Variants in SHROOM3 observed in about 807,000 individuals in gnomAD.
SHROOM3 encodes the protein shroom family member 3, also known as protein Shroom3.
SHROOM3 carries 47 observed loss-of-function variants against 138.6 expected under a neutral mutation model. That is an observed-to-expected ratio of 0.34 (90% CI 0.27 to 0.43). SHROOM3 has a LOEUF of 0.43. Ranked by LOEUF, SHROOM3 falls within the 20% of genes least tolerant of loss-of-function variation. The probability of loss-of-function intolerance (pLI) is 1.00; values close to 1 mark genes in which losing one functional copy is unlikely to be tolerated. For missense variants in SHROOM3, 2,491 were observed against 2,596.5 expected, an observed-to-expected ratio of 0.96 and a Z score of 0.88; for synonymous variants, 1,062 against 1,063.3, an observed-to-expected ratio of 1.00 and a Z score of 0.02.
At chr4:76,441,988 C>T (rs975640714) in intron 1 of SHROOM3, among the ~76,000 whole-genome samples, 2 of 152,128 alleles carry the variant, frequency 1.3e-5, no homozygotes, top group Non-Finnish European at 2.9e-5. Context: ...TCCCAAAATT[C>T]CGAGATTACA....
At chr4:76,494,700 G>T (rs1560523901) in intron 1 of SHROOM3, among the ~76,000 whole-genome samples, 1 of 152,194 alleles carries the variant, frequency 6.6e-6, no homozygotes. Context: ...ACAAAACCTG[G>T]TATTTTAGTT....
Position 76,741,702 on chromosome 4 carries a change from G to T in SHROOM3, c.3529G>T (p.Gly1177Cys). Residue 1177 changes from glycine (G) to cysteine (C), a missense_variant, in exon 5 of 11, where the codon GGC becomes TGC. Physicochemically the swap from Gly to Cys is radical, Grantham distance 159. Transcript: ENST00000296043. The surrounding 1 kb of genome is among the most constrained non-coding windows in gnomAD (Gnocchi z 6.2). ...AGATCGCAGCAGCTCCTTCGCCGGTGGCCGCCGCCTCGGGGAACGGCGACG... is the reference window on the plus strand; with the variant it reads ...AGATCGCAGCAGCTCCTTCGCCGGTTGCCGCCGCCTCGGGGAACGGCGACG... ...PRDRSSSFAG[G>C]RRLGERRRGD... The T allele has an allele frequency of 1.3e-6, 2 of 1,552,606 alleles. No individual in the cohort carries two copies. Among genetic ancestry groups the T allele is most frequent in the African/African-American group, 2.7e-5 (2 of 73,532 alleles).
At chr4:76,556,999 A>C (rs1483464020) in intron 2 of SHROOM3, among the ~76,000 whole-genome samples, 2 of 152,156 alleles carry the variant, frequency 1.3e-5, no homozygotes, top group Non-Finnish European at 2.9e-5. Flanking sequence ...AGAGTGGCTC[A>C]AAGCATAGGC....
chr4:76,663,719 C>T (rs1445708809), intron 2 of SHROOM3, among the ~76,000 whole-genome samples: 3 of 152,072 alleles, frequency 2.0e-5, no homozygotes, highest in African/African-American at 7.2e-5. Context: ...GATTAATTTC[C>T]AATATTTAAA....
chr4:76,631,460 G>A (rs548265978), intron 2 of SHROOM3, among the ~76,000 whole-genome samples: 4 of 151,950 alleles, frequency 2.6e-5, no homozygotes, highest in Non-Finnish European at 2.9e-5. Context: ...TGATCCACCC[G>A]CCTCAGCCTC....
At chr4:76,620,070 C>CAAAA (rs68039696) in intron 2 of SHROOM3, among the ~76,000 whole-genome samples, 34 of 60,970 alleles carry the variant, frequency 5.6e-4, no homozygotes, top group Middle Eastern at 9.8e-3. Context: ...GAATCTATCT[C>CAAAA]AAAAAAAAAA....
At chr4:76,607,896 C>A (rs546494378) in intron 2 of SHROOM3, among the ~76,000 whole-genome samples, 1 of 152,146 alleles carries the variant, frequency 6.6e-6, no homozygotes, top group African/African-American at 2.4e-5. Flanking sequence ...TAACATTAAC[C>A]TTTATGAAGG....
At position 76,754,939 on chromosome 4, in the gene SHROOM3, T is replaced by C; in HGVS notation, c.4456T>C (p.Ser1486Pro). The change falls in exon 7 of 11, where the codon TCC (serine) becomes CCC (proline). Residue 1486 changes from serine (S) to proline (P), a missense_variant. Transcript: ENST00000296043. ...GGCCCCGAGCACTCCAGGGAGGATC[T>C]CCCTCCGAATATCTGAGTCTGTCCT... is the stretch of plus-strand genomic sequence containing the variant. The part of the protein sequence containing the change: ...LGAPSTPGRI[S>P]LRISESVLRD... 2 of 1,614,126 alleles carry C rather than the reference T, an allele frequency of 1.2e-6. No homozygotes were observed. The highest frequency in any genetic ancestry group is 2.2e-5 in the South Asian group (2 of 91,080).
intron 1 of SHROOM3, among the ~76,000 whole-genome samples, chr4:76,529,375 G>C (rs1732782080): frequency 1.3e-5 from 2 of 151,656 alleles, no homozygotes; most frequent in African/African-American, 4.8e-5. Context: ...GGAGTGCAGT[G>C]GTGCCATCTC....
intron 3 of SHROOM3, among the ~76,000 whole-genome samples, chr4:76,722,039 T>C (rs1011238945): frequency 1.3e-5 from 2 of 152,104 alleles, no homozygotes; most frequent in African/African-American, 4.8e-5. Flanking sequence ...GAGGCTGTGA[T>C]GGGAGGATTG....
In SHROOM3 at chr4:76,741,480, G is replaced by T; in HGVS notation, c.3307G>T (p.Gly1103Cys). The change falls in exon 5 of 11, where the codon GGC (glycine) becomes TGC (cysteine). Residue 1103 changes from glycine to cysteine, a missense_variant. By Grantham distance (159) the Gly-to-Cys change is radical. This residue lies in a region of SHROOM3 where 1,733 missense variants were observed against 1,661.6 expected (regional missense o/e 1.04). Coordinates refer to ENST00000296043, the MANE Select transcript of SHROOM3 (RefSeq NM_020859.4). This position sits in a 1 kb window ranked among gnomAD's most constrained non-coding sequence, Gnocchi z 6.2. ...CGGCAAGCGGCCTACCTCCGCCGCC[G>T]GCTGCAGCCTCCAGGAGCCCGGGCC... ...KTGKRPTSAA[G>C]CSLQEPGPLR... The T allele has an allele frequency of 6.4e-7, 1 of 1,560,146 alleles. No individual in the cohort carries two copies. The highest frequency in any genetic ancestry group is 1.2e-5 in the South Asian group (1 of 85,468).
intron 2 of SHROOM3, among the ~76,000 whole-genome samples, chr4:76,665,714 GCT>G (rs1309427451): frequency 1.3e-5 from 2 of 152,206 alleles, no homozygotes; most frequent in South Asian, 4.1e-4. Context: ...TTTTCCATGA[GCT>G]ACCTGTTGTG....
rs61741132 is a variant in SHROOM3 at position 76,755,153 on chromosome 4, C to T, written c.4670C>T (p.Ala1557Val). The change falls in exon 7 of 11, where the codon GCG (alanine) becomes GTG (valine). Residue 1557 changes from alanine to valine, a missense_variant. Ala to Val is a moderately conservative substitution (Grantham distance 64). This residue lies in a region of SHROOM3 where 470 missense variants were observed against 595.0 expected (regional missense o/e 0.79). Coordinates refer to ENST00000296043, the MANE Select transcript of SHROOM3 (RefSeq NM_020859.4). ...PPPPPHTVCE[A>V]QLDSEDPEGP... ...CCTCCTCCCCACACTGTATGTGAGG[C>T]GCAGCTGGACAGTGAGGATCCCGAG... is the stretch of plus-strand genomic sequence containing the variant. 2.6e-3 allele frequency: 4,236 copies of T among 1,613,028 alleles called. 98 individuals carry two copies. The African/African-American group carries it at 0.05, about 19-fold the overall frequency.
intron 2 of SHROOM3, among the ~76,000 whole-genome samples, chr4:76,625,826 T>C (rs1735124806): frequency 6.6e-6 from 1 of 152,248 alleles, no homozygotes. Context: ...TAAACTTCTC[T>C]CTTCCTTTTT....
chr4:76,651,414 A>ATATATG (rs1423553006), intron 2 of SHROOM3, among the ~76,000 whole-genome samples: 4 of 49,250 alleles, frequency 8.1e-5, no homozygotes, highest in African/African-American at 3.1e-4. Flanking sequence ...ATATATATAT[A>ATATATG]TATATATATA....
intron 1 of SHROOM3, among the ~76,000 whole-genome samples, chr4:76,473,344 A>G (rs1186633104): frequency 6.6e-6 from 1 of 152,232 alleles, no homozygotes; most frequent in Non-Finnish European, 1.5e-5. Flanking sequence ...GTGGTGGCTC[A>G]TGCCTTTAAT....
At chr4:76,647,687 G>A (rs1390336820) in intron 2 of SHROOM3, among the ~76,000 whole-genome samples, 4 of 152,126 alleles carry the variant, frequency 2.6e-5, no homozygotes, top group African/African-American at 9.7e-5. Context: ...TTGAGCCCAG[G>A]AATTCAAGAC....
intron 10 of SHROOM3, among the ~76,000 whole-genome samples, chr4:76,772,861 T>C (rs1722410197): frequency 6.6e-6 from 1 of 152,176 alleles, no homozygotes. Context: ...CAAACACTTC[T>C]CAGGTGGGGG....
intron 10 of SHROOM3, among the ~76,000 whole-genome samples, chr4:76,771,772 G>A (rs542108215): frequency 1.3e-4 from 20 of 152,284 alleles, no homozygotes; most frequent in Middle Eastern, 6.8e-3. Flanking sequence ...AGGATAGGAG[G>A]AGTCCTACTG....
Sources: gnomAD v4.1 joint callset for allele counts (sites outside exome capture counted in the v4.1 genomes callset) on GRCh38, gnomAD v4.1.1 for gene constraint, gnomAD v4.1.1 regional missense constraint, Gnocchi (gnomAD v3.1) non-coding constraint, MANE v1.5 for transcripts, NCBI Gene and HGNC (gene_info 2026-07-23, HGNC 2026-07-21) for gene names.